GBE1: variants seen among roughly 807,000 people sequenced by gnomAD.
The protein encoded by GBE1 is 1,4-alpha-glucan branching enzyme 1.
A neutral mutation model predicts 88.8 loss-of-function variants in GBE1; 70 were observed. The ratio of observed to expected loss-of-function variants is 0.79; its 90% CI spans 0.65 to 0.96. The LOEUF is 0.96. Ranked by LOEUF, GBE1 falls within the 40% of genes least tolerant of loss-of-function variation. The probability of loss-of-function intolerance (pLI) is 0.00; values close to 1 mark genes in which losing one functional copy is unlikely to be tolerated. For synonymous variants in GBE1, 284 were observed against 300.1 expected (o/e 0.95, Z 0.56); for missense variants, 872 against 871.0 (o/e 1.00, Z -0.01).
intron 2 of GBE1, among the ~76,000 whole-genome samples, chr3:81,694,770 C>A (rs1705568491): frequency 1.3e-5 from 2 of 152,192 alleles, no homozygotes; most frequent in Admixed American, 1.3e-4. Flanking sequence ...AATTTCTACC[C>A]TGCCCTAACT....
chr3:81,497,249 C>T (rs889199075), intron 15 of GBE1, among the ~76,000 whole-genome samples: 1 of 152,130 alleles, frequency 6.6e-6, no homozygotes, highest in South Asian at 2.1e-4. Context: ...TCTGAGCCGT[C>T]GCCTAAGAAG....
intron 9 of GBE1, among the ~76,000 whole-genome samples, chr3:81,586,767 G>A (rs1465771833): frequency 6.7e-6 from 1 of 149,902 alleles, no homozygotes; most frequent in Non-Finnish European, 1.5e-5. Context: ...TTATTGAGGT[G>A]AAGGGATCTC....
intron 1 of GBE1, among the ~76,000 whole-genome samples, chr3:81,759,051 A>G (rs975498274): frequency 1.3e-5 from 2 of 152,250 alleles, no homozygotes; most frequent in Admixed American, 1.3e-4. Flanking sequence ...CATGTGAGAC[A>G]TGACTTTCAC....
chr3:81,513,743 A>G (rs371391687), intron 14 of GBE1, among the ~76,000 whole-genome samples: 17 of 151,144 alleles, frequency 1.1e-4, no homozygotes, highest in African/African-American at 4.2e-4. Context: ...GCTAAGCTCA[A>G]ACGTGGGCGA....
intron 14 of GBE1, among the ~76,000 whole-genome samples, chr3:81,512,559 C>CACTA (rs1702740012): frequency 6.6e-6 from 1 of 151,784 alleles, no homozygotes; most frequent in Non-Finnish European, 1.5e-5. Context: ...AGACACACTT[C>CACTA]ATGTACTTCA....
intron 1 of GBE1, among the ~76,000 whole-genome samples, chr3:81,735,785 C>G (rs918913789): frequency 1.4e-4 from 21 of 152,138 alleles, no homozygotes; most frequent in African/African-American, 4.3e-4. Context: ...CACCTTCAAT[C>G]AAGGGGCTCC....
intron 1 of GBE1, among the ~76,000 whole-genome samples, chr3:81,730,025 TTTGTCTTTG>T: frequency 6.6e-6 from 1 of 151,842 alleles, no homozygotes; most frequent in Non-Finnish European, 1.5e-5. Flanking sequence ...TGGGTGTAGA[TTTGTCTTTG>T]TTGCCTACAG....
At chr3:81,701,663 G>T (rs914749459) in intron 2 of GBE1, among the ~76,000 whole-genome samples, 1 of 151,972 alleles carries the variant, frequency 6.6e-6, no homozygotes, top group African/African-American at 2.4e-5. Context: ...GCCAGAGGAA[G>T]AACCATTGTT....
At position 81,747,767 on chromosome 3, in the gene GBE1, C is replaced by A. The variant is rs551427084; in HGVS notation, c.143+13608G>T. Among the ~76,000 whole-genome samples the A allele has an allele frequency of 2.6e-5, 4 of 152,200 alleles. No individual in the cohort carries two copies. The South Asian group carries it at 8.3e-4, about 31-fold the overall frequency. ...CCTTCTCCTGGCTCAGAAGCTCCCCCACTGAGCACCTTGTGACCCCCGCCC... is the reference window on the plus strand; with the variant it reads ...CCTTCTCCTGGCTCAGAAGCTCCCCAACTGAGCACCTTGTGACCCCCGCCC... On this transcript the variant is annotated intron_variant, in intron 1 of 15. Coordinates refer to ENST00000429644, the MANE Select transcript of GBE1 (RefSeq NM_000158.4).
At chr3:81,739,324 T>C (rs1361421702) in intron 1 of GBE1, among the ~76,000 whole-genome samples, 1 of 152,168 alleles carries the variant, frequency 6.6e-6, no homozygotes. Flanking sequence ...CAGCAGTGAT[T>C]TTATATATGT....
intron 14 of GBE1, among the ~76,000 whole-genome samples, chr3:81,520,428 C>A (rs1702857763): frequency 6.6e-6 from 1 of 151,498 alleles, no homozygotes; most frequent in Non-Finnish European, 1.5e-5. Flanking sequence ...TACTCACATT[C>A]TCCCCACATC....
At chr3:81,589,808 G>T (rs923693973) in intron 9 of GBE1, among the ~76,000 whole-genome samples, 2 of 151,788 alleles carry the variant, frequency 1.3e-5, no homozygotes, top group Non-Finnish European at 2.9e-5. Flanking sequence ...TTAATTTTTT[G>T]ATGTTTGACA....
At chr3:81,567,164 C>G (rs1313344497) in intron 12 of GBE1, among the ~76,000 whole-genome samples, 1 of 152,176 alleles carries the variant, frequency 6.6e-6, no homozygotes, top group African/African-American at 2.4e-5. Context: ...TATTTGTCCT[C>G]ATTTCATTCA....
At chr3:81,613,936 C>CA (rs34108399) in intron 7 of GBE1, among the ~76,000 whole-genome samples, 20,583 of 119,438 alleles carry the variant, frequency 0.17, 2,059 homozygotes, top group East Asian at 0.37. Flanking sequence ...ACACACACAC[C>CA]AAAAAAAAAA....
chr3:81,629,022 T>TG (rs1559668793), intron 7 of GBE1, among the ~76,000 whole-genome samples: 1 of 141,910 alleles, frequency 7.0e-6, no homozygotes, highest in East Asian at 2.0e-4. Flanking sequence ...GTTTAAGTTT[T>TG]TTTTTTTTTT....
chr3:81,686,824 T>A (rs548448800), intron 2 of GBE1, among the ~76,000 whole-genome samples: 37 of 152,268 alleles, frequency 2.4e-4, no homozygotes, highest in African/African-American at 8.9e-4. Flanking sequence ...CACCTCTACA[T>A]TATTAATGCC....
intron 9 of GBE1, among the ~76,000 whole-genome samples, chr3:81,587,376 T>C (rs375849341): frequency 4.8e-4 from 73 of 152,296 alleles, no homozygotes; most frequent in African/African-American, 1.7e-3. Flanking sequence ...CACAATCTTA[T>C]TTAATCTTCA....
At chr3:81,589,640 G>A (rs1703849680) in intron 9 of GBE1, among the ~76,000 whole-genome samples, 1 of 151,840 alleles carries the variant, frequency 6.6e-6, no homozygotes, top group Non-Finnish European at 1.5e-5. Flanking sequence ...GAAATGAATG[G>A]AAAGATCAAT....
chr3:81,620,060 T>C (rs953983049), intron 7 of GBE1, among the ~76,000 whole-genome samples: 1 of 152,040 alleles, frequency 6.6e-6, no homozygotes, highest in Non-Finnish European at 1.5e-5. Flanking sequence ...ATAATTTTTA[T>C]TTAAAAATAT....
Sources: gnomAD v4.1 joint callset for allele counts (sites outside exome capture counted in the v4.1 genomes callset) on GRCh38, gnomAD v4.1.1 for gene constraint, MANE v1.5 for transcripts, NCBI Gene and HGNC (gene_info 2026-07-23, HGNC 2026-07-21) for gene names.